ZNF443: variants seen among roughly 807,000 people sequenced by gnomAD.
ZNF443 encodes the protein Kruppel-type zinc finger (C2H2).
In ZNF443, 3 loss-of-function variants were observed where a neutral mutation model predicts 12.0. That is an observed-to-expected ratio of 0.25 (90% confidence interval 0.11 to 0.64). ZNF443 has a LOEUF of 0.64. Among genes scored for constraint, ZNF443 ranks in the 30% least tolerant of loss-of-function variants. The probability of loss-of-function intolerance (pLI) is 0.84; values close to 1 mark genes in which losing one functional copy is unlikely to be tolerated. For missense variants in ZNF443, 770 were observed against 808.8 expected, an observed-to-expected ratio of 0.95 and a Z score of 0.58; for synonymous variants, 225 against 265.9, an observed-to-expected ratio of 0.85 and a Z score of 1.50.
rs750501534 is a variant in ZNF443, at chr19:12,430,341, T to C, written c.1831A>G (p.Thr611Ala). ...RFLQGHEKTH[T>A]GENPYECKEC... ...TTACATTCATACGGGTTCTCTCCAG[T>C]ATGAGTTTTTTCATGTCCTTGAAGA... The change falls in exon 4 of 4, where the codon ACT (threonine) becomes GCT (alanine). Residue 611 changes from threonine (T) to alanine (A), a missense_variant. By Grantham distance (58) the Thr-to-Ala change is moderately conservative (BLOSUM62 0). Coordinates refer to ENST00000301547, the MANE Select transcript of ZNF443 (RefSeq NM_005815.5). The C allele has an allele frequency of 1.2e-6, 2 of 1,613,106 alleles. No individual in the cohort carries two copies. The highest frequency in any genetic ancestry group is 1.7e-6 in the Non-Finnish European group (2 of 1,179,480).
At position 12,429,727 on chromosome 19, in the gene ZNF443, T is replaced by G. The variant is rs1404765082; in HGVS notation, c.*429A>C. ...TAGGTGAGAGTTGAAACAAAGAAAC[T>G]TTAATGTTCTGGCTGACTACACTAT... On this transcript the variant is annotated 3_prime_UTR_variant, in exon 4 of 4. Transcript: ENST00000301547. The G allele has an allele frequency of 5.0e-6, 1 of 201,240 alleles. No homozygotes were observed. The allele number at this position is 201,240 out of a possible 1,614,324, so 12.5% of individuals were successfully genotyped here. A position where few individuals can be genotyped will look rare whatever the true frequency, so the allele number is the denominator to read the frequency against.
intron 1 of ZNF443, among the ~76,000 whole-genome samples, chr19:12,438,882 A>C (rs1243996248): frequency 5.9e-5 from 9 of 152,380 alleles, no homozygotes; most frequent in East Asian, 1.9e-4. Context: ...TCAAAGTATA[A>C]AATAACAATC....
rs1970359495 is a variant in ZNF443, at chr19:12,440,968, G to A, written c.-54C>T. ...TACCGACAGCTCCCGCTGCCAATGC[G>A]TGTTCCAGCCAGACAAAGGCTGCCT... On this transcript the variant is annotated 5_prime_UTR_variant, in exon 1 of 4. In the 5' UTR this introduces an upstream ATG that the reference lacks. Coordinates refer to ENST00000301547, the MANE Select transcript of ZNF443 (RefSeq NM_005815.5). 5 of 1,613,768 alleles carry A rather than the reference G, an allele frequency of 3.1e-6. No homozygotes were observed. The highest frequency in any genetic ancestry group is 3.4e-6 in the Non-Finnish European group (4 of 1,179,806).
In ZNF443 at chr19:12,431,377, G is replaced by C; in HGVS notation, c.795C>G (p.Tyr265Ter). 6.2e-7 allele frequency: 1 copy of C among 1,614,016 alleles called. No homozygotes were observed. The highest frequency in any genetic ancestry group is 1.1e-5 in the South Asian group (1 of 91,072). ...CKQCSKAFPF[Y>*]SSYLRHERTH... is the part of the protein sequence containing the mutation. ...TTCTTTCATGTCTTAGATAGGAACTGTAAAAAGGAAAGGCTTTAGAACACT... is the reference window on the plus strand; with the variant it reads ...TTCTTTCATGTCTTAGATAGGAACTCTAAAAAGGAAAGGCTTTAGAACACT... The change falls in exon 4 of 4, where the codon TAC becomes TAG. Residue 265 changes from tyrosine to a stop codon, truncating the protein, a stop_gained. Transcript: ENST00000301547. LOFTEE classifies it low-confidence loss of function (END_TRUNC).
Position 12,430,964 on chromosome 19 carries a change from GATA to G in ZNF443, c.1205_1207del (p.Leu402del), listed in dbSNP as rs761557520. On this transcript the variant is annotated inframe_deletion, in exon 4 of 4. Transcript: ENST00000301547. The stretch of plus-strand genomic sequence containing the variant: ...ATGACTTCGAAAGCTTGAGCGATGA[GATA>G]ATGCTTTCCCACACTGCTTGCATTC... 1 of 1,613,304 alleles carries G rather than the reference GATA, an allele frequency of 6.2e-7. No homozygotes were observed. The highest frequency in any genetic ancestry group is 1.3e-5 in the African/African-American group (1 of 74,824).
chr19:12,436,750 T>TAC lies in ZNF443; in HGVS notation c.4-3555_4-3554dup, dbSNP rs59579956. Among the ~76,000 whole-genome samples the TAC allele has an allele frequency of 3.5e-3, 421 of 119,008 alleles. 1 individual carries two copies. In the East Asian group the frequency reaches 0.043, roughly 12 times the overall value. 78.1% of individuals were successfully genotyped at this position (119,008 alleles called of 152,430 possible). ...TGTTACAGGTTAGAAATTCAGATCA[T>TAC]ACACACACACACACACACACACACA... On this transcript the variant is annotated intron_variant, in intron 1 of 3. Coordinates refer to ENST00000301547, the MANE Select transcript of ZNF443 (RefSeq NM_005815.5).
chr19:12,434,100 C>T (rs189496645), intron 1 of ZNF443, among the ~76,000 whole-genome samples: 1 of 152,134 alleles, frequency 6.6e-6, no homozygotes, highest in African/African-American at 2.4e-5. Flanking sequence ...CTGGACTTCC[C>T]GGCCTCCAGA....
rs527907082 is a variant in ZNF443, at chr19:12,439,363, T to G, written c.3+1549A>C. ...TTTACAGGAATTATATACCAGAAGATTCCTCCCATCCCAGTGGATCCAGTT... is the reference window on the plus strand; with the variant it reads ...TTTACAGGAATTATATACCAGAAGAGTCCTCCCATCCCAGTGGATCCAGTT... On this transcript the variant is annotated intron_variant, in intron 1 of 3. Transcript: ENST00000301547. Among the ~76,000 whole-genome samples, 158 of 152,168 alleles carry G rather than the reference T, an allele frequency of 1.0e-3. 1 individual carries two copies. The highest frequency in any genetic ancestry group is 8.1e-4 in the Non-Finnish European group (55 of 68,000).
intron 1 of ZNF443, 129 bp downstream of exon 1, chr19:12,440,775 GCCGACCTA>G (rs1970356710): frequency 1.4e-6 from 2 of 1,458,442 alleles, no homozygotes; most frequent in Non-Finnish European, 1.9e-6. Flanking sequence ...GCGGCCGAGG[GCCGACCTA>G]CGCCAGGGGG....
chr19:12,433,757 A>AGG (rs1970281455), intron 1 of ZNF443, among the ~76,000 whole-genome samples: 2 of 151,922 alleles, frequency 1.3e-5, no homozygotes, highest in African/African-American at 4.8e-5. Flanking sequence ...CTCAGCAGAC[A>AGG]GAGTGCACTG....
In ZNF443 at chr19:12,440,697, G is replaced by A. The variant is rs534352412; in HGVS notation, c.3+215C>T. Among the ~76,000 whole-genome samples, 5 of 152,330 alleles carry A rather than the reference G, an allele frequency of 3.3e-5. No homozygotes were observed. In the East Asian group the frequency reaches 9.7e-4, roughly 29 times the overall value. On this transcript the variant is annotated intron_variant, in intron 1 of 3. Transcript: ENST00000301547. ...CGGAGCTGCCCAGAGAGGGCGCCGGGGCCGCAGTCGCCGCGCAGGAACGGG... is the reference window on the plus strand; with the variant it reads ...CGGAGCTGCCCAGAGAGGGCGCCGGAGCCGCAGTCGCCGCGCAGGAACGGG...
intron 1 of ZNF443, among the ~76,000 whole-genome samples, chr19:12,436,134 A>G (rs191073903): frequency 1.4e-5 from 2 of 144,974 alleles, no homozygotes; most frequent in African/African-American, 5.3e-5. Context: ...TGATGAACAA[A>G]TAACTAAAAG....
At position 12,431,254 on chromosome 19, in the gene ZNF443, C is replaced by T. The variant is rs770407787; in HGVS notation, c.918G>A (p.Glu306=). 5 of 1,614,022 alleles carry T rather than the reference C, an allele frequency of 3.1e-6. No individual in the cohort carries two copies. The African/African-American group carries it at 6.7e-5, about 22-fold the overall frequency. Residue 306 remains glutamate, a synonymous_variant, in exon 4 of 4, where the codon GAG becomes GAA. Transcript: ENST00000301547. ...CLIHERTHTG[E]KPYTCKQCGK... ...CACATTGTTTACATGTATAGGGTTTCTCTCCAGTGTGAGTTCTTTCATGTA... is the reference window on the plus strand; with the variant it reads ...CACATTGTTTACATGTATAGGGTTTTTCTCCAGTGTGAGTTCTTTCATGTA...
chr19:12,440,677 C>G (rs1970355843), intron 1 of ZNF443, among the ~76,000 whole-genome samples: 1 of 152,230 alleles, frequency 6.6e-6, no homozygotes, highest in Non-Finnish European at 1.5e-5. Flanking sequence ...GGGCTCGGAG[C>G]TGCCCAGAGA....
intron 1 of ZNF443, among the ~76,000 whole-genome samples, chr19:12,438,531 A>G (rs1301626139): frequency 6.6e-6 from 1 of 152,354 alleles, no homozygotes; most frequent in African/African-American, 2.4e-5. Context: ...AAAAAGGAGA[A>G]GAACTGAACT....
chr19:12,430,694 T>C lies in ZNF443; in HGVS notation c.1478A>G (p.Asn493Ser). 6.2e-7 allele frequency: 1 copy of C among 1,612,888 alleles called. No individual in the cohort carries two copies. Residue 493 changes from asparagine to serine, a missense_variant, in exon 4 of 4, where the codon AAT becomes AGT. Coordinates refer to ENST00000301547, the MANE Select transcript of ZNF443 (RefSeq NM_005815.5). ...KACIDFCSFQ[N>S]HKTTHTGEKP... The stretch of plus-strand genomic sequence containing the variant: ...CTCTCCAGTGTGAGTTGTTTTGTGA[T>C]TTTGAAAGGAACAGAAATCAATACA...
In ZNF443 at chr19:12,429,911, G is replaced by A; in HGVS notation, c.*245C>T. The A allele has an allele frequency of 1.6e-6, 1 of 630,452 alleles. No individual in the cohort carries two copies. The allele number at this position is 630,452 out of a possible 1,614,324, so 39.1% of individuals were successfully genotyped here. ...AGACATAATTGAGACTATACAAGAG[G>A]ATGTGGGTAAGTTACATACAAACAT... On this transcript the variant is annotated 3_prime_UTR_variant, in exon 4 of 4. Transcript: ENST00000301547.
At chr19:12,439,121 T>G (rs930988668) in intron 1 of ZNF443, among the ~76,000 whole-genome samples, 1 of 152,202 alleles carries the variant, frequency 6.6e-6, no homozygotes, top group Non-Finnish European at 1.5e-5. Flanking sequence ...CACTGCCTTG[T>G]GTGCTTTTCA....
chr19:12,436,869 G>A (rs1417992539), intron 1 of ZNF443, among the ~76,000 whole-genome samples: 14 of 126,046 alleles, frequency 1.1e-4, no homozygotes, highest in African/African-American at 4.4e-4. Flanking sequence ...TATTCCTATT[G>A]GATATCATAA....
Sources: allele counts gnomAD v4.1 joint callset (sites outside exome capture counted in the v4.1 genomes callset), GRCh38; gene constraint gnomAD v4.1.1; transcripts MANE v1.5; gene names NCBI Gene and HGNC (gene_info 2026-07-23, HGNC 2026-07-21).